Variants in DLGAP1 observed in about 807,000 individuals in gnomAD.
DLGAP1 encodes the protein disks large-associated protein 1.
Under a neutral mutation model 90.8 loss-of-function variants are expected in DLGAP1, and 11 were observed. The observed-to-expected ratio is 0.12, with a 90% CI of 0.08 to 0.20. The LOEUF (loss-of-function observed/expected upper bound fraction) is 0.20, where lower values mean the gene tolerates loss of function less well. Ranked by LOEUF, DLGAP1 falls within the 10% of genes least tolerant of loss-of-function variation. The pLI is 1.00. For synonymous variants in DLGAP1, 558 were observed against 540.7 expected (o/e 1.03, Z -0.44); for missense variants, 1,050 against 1,333.8 (o/e 0.79, Z 3.31).
At chr18:4,448,376 G>T (rs16946835) in intron 1 of DLGAP1, among the ~76,000 whole-genome samples, 19,299 of 152,130 alleles carry the variant, frequency 0.13, 1,402 homozygotes, top group Admixed American at 0.21. Context: ...GTACCCAGGA[G>T]ATGTTACAAA....
rs140247759 is a variant in DLGAP1, at chr18:3,784,107, C to T, written c.1172+29952G>A. Among the ~76,000 whole-genome samples, 18 of 152,282 alleles carry T rather than the reference C, an allele frequency of 1.2e-4. No homozygotes were observed. The East Asian group carries it at 3.5e-3, about 29-fold the overall frequency. Reference sequence around the variant, plus strand: ...CTTTTGTCTACAATGGAAGTCATTGCACAGACTAGAGTGTAAAGAAACAAA... The same window carrying T: ...CTTTTGTCTACAATGGAAGTCATTGTACAGACTAGAGTGTAAAGAAACAAA... On this transcript the variant is annotated intron_variant, in intron 5 of 12. Transcript: ENST00000315677.
intron 1 of DLGAP1, among the ~76,000 whole-genome samples, chr18:4,432,319 T>C (rs866445949): frequency 6.6e-6 from 1 of 152,122 alleles, no homozygotes; most frequent in South Asian, 2.1e-4. Flanking sequence ...ACTGAAACGT[T>C]TTACTATTAA....
intron 3 of DLGAP1, among the ~76,000 whole-genome samples, chr18:3,928,043 G>A (rs191190328): frequency 5.5e-4 from 84 of 152,286 alleles, no homozygotes; most frequent in African/African-American, 1.9e-3. Context: ...CACCATTTGT[G>A]GTTTCTCTAT....
intron 5 of DLGAP1, among the ~76,000 whole-genome samples, chr18:3,765,475 TA>T (rs1282641085): frequency 1.3e-5 from 2 of 151,840 alleles, no homozygotes; most frequent in African/African-American, 4.8e-5. Context: ...TTTAAACTGG[TA>T]AAAATGATGA....
chr18:3,949,896 A>G (rs1028361900), intron 3 of DLGAP1, among the ~76,000 whole-genome samples: 1 of 152,218 alleles, frequency 6.6e-6, no homozygotes, highest in Non-Finnish European at 1.5e-5. Flanking sequence ...TTTAGTCCAC[A>G]TGATATTTTG....
intron 1 of DLGAP1, among the ~76,000 whole-genome samples, chr18:4,175,629 T>C (rs187606396): frequency 1.2e-3 from 182 of 152,336 alleles, no homozygotes; most frequent in Non-Finnish European, 1.6e-3. Context: ...TTCAGTTTTA[T>C]GCATATGACT....
At chr18:4,365,482 A>G (rs1417675620) in intron 1 of DLGAP1, among the ~76,000 whole-genome samples, 1 of 152,184 alleles carries the variant, frequency 6.6e-6, no homozygotes, top group African/African-American at 2.4e-5. Flanking sequence ...CTAAATTAGA[A>G]TGATGATTAT....
chr18:3,760,673 TCTTC>T (rs2063925197), intron 5 of DLGAP1, among the ~76,000 whole-genome samples: 2 of 152,172 alleles, frequency 1.3e-5, no homozygotes, highest in Non-Finnish European at 2.9e-5. Flanking sequence ...GTGGGGCACC[TCTTC>T]CTTCTGGTCC....
At chr18:4,385,377 C>G (rs1422998417) in intron 1 of DLGAP1, among the ~76,000 whole-genome samples, 1 of 152,142 alleles carries the variant, frequency 6.6e-6, no homozygotes, top group Non-Finnish European at 1.5e-5. Flanking sequence ...TCAAAATGCC[C>G]TCCTCAGACC....
rs570211036 is a variant in DLGAP1 at position 4,358,344 on chromosome 18, T to C, written c.-267+96662A>G. 1.2e-4 allele frequency among the ~76,000 whole-genome samples: 19 copies of C among 152,028 alleles called. No individual in the cohort carries two copies. In the East Asian group the frequency reaches 1.5e-3, roughly 12 times the overall value. On this transcript the variant is annotated intron_variant, in intron 1 of 12. Transcript: ENST00000315677. ...CTGTGGTGACATTTGAGCACAAATGTGAATAATGAAAAATAATTAGTCCTG... is the reference window on the plus strand; with the variant it reads ...CTGTGGTGACATTTGAGCACAAATGCGAATAATGAAAAATAATTAGTCCTG...
intron 3 of DLGAP1, among the ~76,000 whole-genome samples, chr18:3,886,794 G>A (rs895636037): frequency 1.3e-5 from 2 of 152,216 alleles, no homozygotes; most frequent in African/African-American, 4.8e-5. Context: ...ATGTGCCTGG[G>A]TGACTATGCT....
chr18:4,095,991 A>G (rs373087385), intron 2 of DLGAP1, among the ~76,000 whole-genome samples: 17 of 152,204 alleles, frequency 1.1e-4, no homozygotes, highest in African/African-American at 3.4e-4. Flanking sequence ...GATGATGATT[A>G]TTTTTTACCT....
At chr18:3,709,244 C>T (rs2061530063) in intron 7 of DLGAP1, among the ~76,000 whole-genome samples, 1 of 152,146 alleles carries the variant, frequency 6.6e-6, no homozygotes. Context: ...TGCACTCCAA[C>T]CCCCTACACA....
At chr18:3,656,823 T>G (rs1013467617) in intron 7 of DLGAP1, among the ~76,000 whole-genome samples, 2 of 152,078 alleles carry the variant, frequency 1.3e-5, no homozygotes, top group Non-Finnish European at 2.9e-5. Context: ...CTCGGCTCAC[T>G]GCAACCTCTG....
intron 9 of DLGAP1, among the ~76,000 whole-genome samples, chr18:3,566,939 A>G (rs1312811470): frequency 6.6e-6 from 1 of 152,088 alleles, no homozygotes; most frequent in Non-Finnish European, 1.5e-5. Flanking sequence ...CTGTAATTTT[A>G]TGAAATCCTA....
chr18:4,316,127 C>A (rs2080520780), intron 1 of DLGAP1, among the ~76,000 whole-genome samples: 1 of 152,102 alleles, frequency 6.6e-6, no homozygotes, highest in African/African-American at 2.4e-5. Context: ...AAAAGGGAAA[C>A]CAGAAGCCTA....
At chr18:4,216,131 C>T (rs1489935759) in intron 1 of DLGAP1, among the ~76,000 whole-genome samples, 3 of 152,062 alleles carry the variant, frequency 2.0e-5, no homozygotes, top group African/African-American at 4.8e-5. Flanking sequence ...AACTTACAAT[C>T]ATGGCACAAG....
intron 1 of DLGAP1, among the ~76,000 whole-genome samples, chr18:4,253,115 G>T (rs1368784581): frequency 6.6e-6 from 1 of 152,132 alleles, no homozygotes; most frequent in Non-Finnish European, 1.5e-5. Flanking sequence ...TGCTTCTGGG[G>T]AAGTAGCAAA....
intron 7 of DLGAP1, among the ~76,000 whole-genome samples, chr18:3,703,639 C>T (rs995365699): frequency 1.1e-4 from 17 of 152,126 alleles, no homozygotes; most frequent in African/African-American, 2.4e-5. Flanking sequence ...TCTCTGCATT[C>T]TTCTTCTCTT....
Sources: gnomAD v4.1 joint callset for allele counts (sites outside exome capture counted in the v4.1 genomes callset) on GRCh38, gnomAD v4.1.1 for gene constraint, MANE v1.5 for transcripts, NCBI Gene and HGNC (gene_info 2026-07-23, HGNC 2026-07-21) for gene names.